The following HTT-AS variants were observed in gnomAD, a reference collection of about 807,000 sequenced individuals.
HTT-AS encodes the protein HTT antisense RNA.
At chr4:3,069,816 T>C (rs966522615) in intron 1 of HTT-AS, among the ~76,000 whole-genome samples, 5 of 152,142 alleles carry the variant, frequency 3.3e-5, no homozygotes, top group African/African-American at 1.2e-4. Context: ...TTCCTGCCTG[T>C]TTTGCCCTCA....
chr4:3,048,446 A>G (rs1711642197), downstream of HTT-AS, among the ~76,000 whole-genome samples: 1 of 152,188 alleles, frequency 6.6e-6, no homozygotes, highest in South Asian at 2.1e-4. Flanking sequence ...CAGGGAGACT[A>G]TTATTATGAT....
chr4:3,052,404 C>T (rs1337232584), intron 2 of HTT-AS, among the ~76,000 whole-genome samples: 1 of 152,124 alleles, frequency 6.6e-6, no homozygotes, highest in Non-Finnish European at 1.5e-5. Flanking sequence ...CTCTAACAGC[C>T]TGGGACTCCT....
chr4:3,057,179 G>C (rs58202885), intron 2 of HTT-AS, among the ~76,000 whole-genome samples: 1 of 151,966 alleles, frequency 6.6e-6, no homozygotes, highest in Non-Finnish European at 1.5e-5. Context: ...GACTACAGGC[G>C]CCTGCCACCA....
chr4:3,058,239 T>C (rs1711846938), intron 2 of HTT-AS, among the ~76,000 whole-genome samples: 1 of 151,646 alleles, frequency 6.6e-6, no homozygotes, highest in Non-Finnish European at 1.5e-5. Flanking sequence ...GGCAGGAGAA[T>C]CGCTTGAACC....
chr4:3,062,120 T>G (rs1271657181), intron 2 of HTT-AS, among the ~76,000 whole-genome samples: 1 of 151,476 alleles, frequency 6.6e-6, no homozygotes, highest in Non-Finnish European at 1.5e-5. Flanking sequence ...ATTTGGGGGC[T>G]CAAGGTATGT....
At chr4:3,048,175 C>T (rs1474405407), downstream of HTT-AS, among the ~76,000 whole-genome samples, 1 of 152,130 alleles carries the variant, frequency 6.6e-6, no homozygotes, top group Non-Finnish European at 1.5e-5. Context: ...TCTCTCATCT[C>T]CGCAGGTGAG....
intron 2 of HTT-AS, among the ~76,000 whole-genome samples, chr4:3,050,419 A>G (rs997412318): frequency 1.3e-5 from 2 of 152,218 alleles, no homozygotes; most frequent in African/African-American, 4.8e-5. Context: ...CAGTCTTTTC[A>G]TTAAAGTTCC....
downstream of HTT-AS, among the ~76,000 whole-genome samples, chr4:3,048,607 G>A (rs1257274290): frequency 1.3e-5 from 2 of 152,126 alleles, no homozygotes; most frequent in Admixed American, 6.6e-5. Context: ...TCCCACAACT[G>A]AATCTCTATA....
chr4:3,057,162 T>C (rs180957523), intron 2 of HTT-AS, among the ~76,000 whole-genome samples: 1 of 152,026 alleles, frequency 6.6e-6, no homozygotes, highest in Non-Finnish European at 1.5e-5. Flanking sequence ...GCCTCCCGAG[T>C]AGCTGGGACT....
At chr4:3,073,414 G>A (rs1262178108) in intron 1 of HTT-AS, among the ~76,000 whole-genome samples, 1 of 152,218 alleles carries the variant, frequency 6.6e-6, no homozygotes. Flanking sequence ...CCAGGCGTGA[G>A]GGGGTGCCCC....
At chr4:3,047,925 C>T (rs1355977939), downstream of HTT-AS, among the ~76,000 whole-genome samples, 2 of 152,216 alleles carry the variant, frequency 1.3e-5, no homozygotes, top group African/African-American at 2.4e-5. Flanking sequence ...CTCTCTCTCT[C>T]CGCCTCGGCT....
rs368155721 is a variant in HTT-AS, at chr4:3,064,096, G to GTTTTT, written n.114-401_114-397dup. On this transcript the variant is annotated intron_variant and non_coding_transcript_variant, in intron 1 of 2. Transcript: ENST00000664062. Reference sequence around the variant, plus strand: ...GGAAAGCTGTAACACAAATAATAAAGTTTTTTTTTTTTTTTTTGAGATGGA... The same window carrying GTTTTT: ...GGAAAGCTGTAACACAAATAATAAAGTTTTTTTTTTTTTTTTTTTTTTGAGATGGA... 3.7e-5 allele frequency among the ~76,000 whole-genome samples: 5 copies of GTTTTT among 136,028 alleles called. 1 individual carries two copies. Among genetic ancestry groups the GTTTTT allele is most frequent in the Non-Finnish European group, 6.3e-5 (4 of 63,768 alleles). The allele number at this position is 136,028 out of a possible 152,430, so 89.2% of individuals were successfully genotyped here. A position where few individuals can be genotyped will look rare whatever the true frequency, so the allele number is the denominator to read the frequency against.
At chr4:3,054,625 T>G (rs994995441) in intron 2 of HTT-AS, among the ~76,000 whole-genome samples, 6 of 152,314 alleles carry the variant, frequency 3.9e-5, no homozygotes, top group African/African-American at 1.4e-4. Flanking sequence ...AAATTCTGTG[T>G]GTGAACATAT....
intron 2 of HTT-AS, among the ~76,000 whole-genome samples, chr4:3,056,608 C>T (rs1227471727): frequency 1.3e-5 from 2 of 152,122 alleles, no homozygotes; most frequent in Non-Finnish European, 2.9e-5. Flanking sequence ...ACCAAACTGC[C>T]CTTCTGAAAA....
chr4:3,055,328 G>C (rs1578465396), intron 2 of HTT-AS, among the ~76,000 whole-genome samples: 1 of 151,934 alleles, frequency 6.6e-6, no homozygotes, highest in Non-Finnish European at 1.5e-5. Flanking sequence ...CTAGCCCTGG[G>C]TTGGGCCCTG....
intron 2 of HTT-AS, among the ~76,000 whole-genome samples, chr4:3,053,392 G>T (rs918100616): frequency 6.6e-6 from 1 of 152,182 alleles, no homozygotes; most frequent in East Asian, 1.9e-4. Flanking sequence ...AATTAGCCAG[G>T]TGTGGTGGCG....
Position 3,059,870 on chromosome 4 carries a change from G to A in HTT-AS, n.1380+2564C>T, listed in dbSNP as rs189869799. On this transcript the variant is annotated intron_variant and non_coding_transcript_variant, in intron 2 of 2. Transcript: ENST00000664062. ...TTACAGGCCTGAGCCACTGCGCCTG[G>A]CCTCATCTTCTTGATATTAATGTTG... is the stretch of plus-strand genomic sequence containing the variant. Among the ~76,000 whole-genome samples, 258 of 151,346 alleles carry A rather than the reference G, an allele frequency of 1.7e-3. 2 individuals carry two copies. The highest frequency in any genetic ancestry group is 3.5e-3 in the Admixed American group (53 of 15,144).
At chr4:3,060,259 T>C (rs1414094685) in intron 2 of HTT-AS, among the ~76,000 whole-genome samples, 1 of 152,208 alleles carries the variant, frequency 6.6e-6, no homozygotes, top group African/African-American at 2.4e-5. Flanking sequence ...TTGGTGTCTC[T>C]TCAATCTTTC....
At chr4:3,050,691 T>C (rs969110866) in intron 2 of HTT-AS, among the ~76,000 whole-genome samples, 1 of 152,222 alleles carries the variant, frequency 6.6e-6, no homozygotes, top group Non-Finnish European at 1.5e-5. Context: ...ATTGATAGCA[T>C]AGACTCAGGC....
Sources: allele counts gnomAD v4.1 joint callset (sites outside exome capture counted in the v4.1 genomes callset), GRCh38; gene constraint gnomAD v4.1.1; transcripts MANE v1.5; gene names NCBI Gene and HGNC (gene_info 2026-07-23, HGNC 2026-07-21).